Variants in KHDRBS2 observed in about 807,000 individuals in gnomAD.
The protein encoded by KHDRBS2 is KH RNA binding domain containing, signal transduction associated 2, also known as KH domain-containing, RNA-binding, signal transduction-associated protein 2.
Under a neutral mutation model 44.3 loss-of-function variants are expected in KHDRBS2, and 26 were observed. That is an observed-to-expected ratio of 0.59 (90% CI 0.43 to 0.81). The LOEUF is 0.81. KHDRBS2 is among the 40% of genes least tolerant of loss of function. The pLI is 0.00. For missense variants in KHDRBS2, 476 were observed against 433.1 expected, an observed-to-expected ratio of 1.10 and a Z score of -0.88; for synonymous variants, 194 against 151.1, an observed-to-expected ratio of 1.28 and a Z score of -2.08.
At chr6:61,896,221 A>G (rs1314552738) in intron 5 of KHDRBS2, among the ~76,000 whole-genome samples, 2 of 152,176 alleles carry the variant, frequency 1.3e-5, no homozygotes, top group Non-Finnish European at 2.9e-5. Context: ...TCCAGGTTTT[A>G]TAACTGTTGT....
At chr6:61,898,781 A>T (rs1317257791) in intron 5 of KHDRBS2, among the ~76,000 whole-genome samples, 1 of 151,964 alleles carries the variant, frequency 6.6e-6, no homozygotes, top group Non-Finnish European at 1.5e-5. Context: ...AAAATGCACA[A>T]GGTCAACACA....
chr6:62,262,262 C>T (rs1365408662), intron 1 of KHDRBS2, among the ~76,000 whole-genome samples: 2 of 151,696 alleles, frequency 1.3e-5, no homozygotes, highest in African/African-American at 4.8e-5. Context: ...ATCTGGATAA[C>T]TCTGGAAATA....
intron 6 of KHDRBS2, among the ~76,000 whole-genome samples, chr6:61,740,017 G>A (rs932385394): frequency 6.6e-6 from 1 of 151,786 alleles, no homozygotes; most frequent in Non-Finnish European, 1.5e-5. Context: ...GAGCCAGTAT[G>A]AGTCACCTCT....
chr6:62,071,796 T>C (rs1366719429), intron 2 of KHDRBS2, among the ~76,000 whole-genome samples: 1 of 152,362 alleles, frequency 6.6e-6, no homozygotes, highest in Non-Finnish European at 1.5e-5. Context: ...CTTTGTTCTT[T>C]CGGCTTAGGA....
chr6:62,177,218 T>C lies in KHDRBS2; in HGVS notation c.186A>G (p.Glu62=). ...VISNKNIKLS[E]RVLIPVKQYP... is the part of the protein sequence containing the mutation. ...ACTGCTTGACAGGAATCAGTACTCT[T>C]TCTGAGAGCTTTATGTTTTTGTTGC... The change falls in exon 2 of 9, where the codon GAA becomes GAG. Residue 62 remains glutamate (E), a synonymous_variant. Coordinates refer to ENST00000281156, the MANE Select transcript of KHDRBS2 (RefSeq NM_152688.4). 2 of 1,592,556 alleles carry C rather than the reference T, an allele frequency of 1.3e-6. No individual in the cohort carries two copies. Among genetic ancestry groups the C allele is most frequent in the African/African-American group, 2.7e-5 (2 of 74,502 alleles).
chr6:62,271,823 A>G (rs1228898312), intron 1 of KHDRBS2, among the ~76,000 whole-genome samples: 1 of 152,256 alleles, frequency 6.6e-6, no homozygotes, highest in East Asian at 1.9e-4. Context: ...AAAAGTCAAA[A>G]AGCTTTTAAA....
the KHDRBS2 span, among the ~76,000 whole-genome samples, chr6:61,673,501 A>T: frequency 1.3e-5 from 2 of 149,626 alleles, no homozygotes; most frequent in Admixed American, 1.3e-4. Flanking sequence ...TTTGCAGACG[A>T]CATGATTGTA....
intron 4 of KHDRBS2, among the ~76,000 whole-genome samples, chr6:61,962,203 C>T (rs571044440): frequency 6.6e-6 from 1 of 152,056 alleles, no homozygotes; most frequent in African/African-American, 2.4e-5. Flanking sequence ...TATTGTGTTG[C>T]TAATCAAAAG....
chr6:61,702,577 T>C (rs192152307), intron 7 of KHDRBS2, among the ~76,000 whole-genome samples: 1 of 151,958 alleles, frequency 6.6e-6, no homozygotes, highest in Admixed American at 6.6e-5. Flanking sequence ...TGTTTTAATT[T>C]TAAAGACTGA....
intron 2 of KHDRBS2, among the ~76,000 whole-genome samples, chr6:62,096,617 A>G (rs1800659000): frequency 6.6e-6 from 1 of 151,684 alleles, no homozygotes; most frequent in African/African-American, 2.4e-5. Flanking sequence ...TCATTTTCTT[A>G]GGCTTGCTAA....
chr6:62,065,426 A>G (rs1584470470), intron 2 of KHDRBS2, among the ~76,000 whole-genome samples: 2 of 147,180 alleles, frequency 1.4e-5, no homozygotes, highest in East Asian at 2.0e-4. Context: ...AATGTGGTAC[A>G]TATACACCAT....
chr6:61,900,387 C>A (rs1353590136), intron 5 of KHDRBS2, among the ~76,000 whole-genome samples: 1 of 152,038 alleles, frequency 6.6e-6, no homozygotes, highest in African/African-American at 2.4e-5. Flanking sequence ...ATATTTAGAT[C>A]TCTGTCCTTT....
chr6:62,201,660 G>C lies in KHDRBS2; in HGVS notation c.92-24348C>G, dbSNP rs139024475. On this transcript the variant is annotated intron_variant, in intron 1 of 8. Transcript: ENST00000281156. Reference sequence around the variant, plus strand: ...TTCACTTTCGCTTTGGAAAAAAATTGGTTAGAAGAATAAAATAATTTGTTC... The same window carrying C: ...TTCACTTTCGCTTTGGAAAAAAATTCGTTAGAAGAATAAAATAATTTGTTC... Among the ~76,000 whole-genome samples the C allele has an allele frequency of 2.4e-3, 359 of 152,012 alleles. 4 individuals carry two copies. Among genetic ancestry groups the C allele is most frequent in the Admixed American group, 0.02 (304 of 15,248 alleles).
At chr6:61,617,835 ATAAT>A in the KHDRBS2 span, among the ~76,000 whole-genome samples, 1 of 152,186 alleles carries the variant, frequency 6.6e-6, no homozygotes, top group African/African-American at 2.4e-5. Flanking sequence ...TTCCCTAGAA[ATAAT>A]TAGAGAATTT....
chr6:61,985,128 G>C (rs1375000264), intron 3 of KHDRBS2, among the ~76,000 whole-genome samples: 1 of 152,118 alleles, frequency 6.6e-6, no homozygotes, highest in Non-Finnish European at 1.5e-5. Context: ...AACTTTAGGA[G>C]AATCAATAGC....
intron 6 of KHDRBS2, among the ~76,000 whole-genome samples, chr6:61,749,009 C>CTTTTTT (rs34423906): frequency 6.2e-4 from 60 of 97,222 alleles, no homozygotes; most frequent in African/African-American, 1.2e-3. Context: ...TTCTTTCTTT[C>CTTTTTT]TTTTTTTTTT....
At chr6:62,076,129 GTC>G (rs1227684702) in intron 2 of KHDRBS2, among the ~76,000 whole-genome samples, 3 of 151,782 alleles carry the variant, frequency 2.0e-5, no homozygotes, top group Non-Finnish European at 4.4e-5. Flanking sequence ...ATATATTTCT[GTC>G]AGCCCTAGCA....
intron 1 of KHDRBS2, among the ~76,000 whole-genome samples, chr6:62,232,670 C>T (rs1833070442): frequency 6.6e-6 from 1 of 152,074 alleles, no homozygotes; most frequent in Admixed American, 6.6e-5. Context: ...TTAAACATAT[C>T]CCTACGTATA....
intron 2 of KHDRBS2, among the ~76,000 whole-genome samples, chr6:62,169,088 C>CATTTATAT (rs1437343537): frequency 9.9e-6 from 1 of 101,296 alleles, no homozygotes; most frequent in Non-Finnish European, 2.0e-5. Context: ...AATATATACA[C>CATTTATAT]ATTTATATTT....
Sources: allele counts gnomAD v4.1 joint callset (sites outside exome capture counted in the v4.1 genomes callset), GRCh38; gene constraint gnomAD v4.1.1; transcripts MANE v1.5; gene names NCBI Gene and HGNC (gene_info 2026-07-23, HGNC 2026-07-21).